Variants in L3MBTL4 observed in about 807,000 individuals in gnomAD.
L3MBTL4 encodes the protein lethal(3)malignant brain tumor-like protein 4.
In L3MBTL4, 70 loss-of-function variants were observed where a neutral mutation model predicts 84.5. The observed-to-expected ratio is 0.83, with a 90% CI of 0.68 to 1.01. The LOEUF is 1.01. Ranked by LOEUF, L3MBTL4 falls within the 50% of genes least tolerant of loss-of-function variation. L3MBTL4 has a pLI of 0.00. For synonymous variants in L3MBTL4, 274 were observed against 259.8 expected (o/e 1.05, Z -0.52); for missense variants, 715 against 754.8 (o/e 0.95, Z 0.62).
chr18:6,096,156 T>C (rs1002665458), intron 14 of L3MBTL4, among the ~76,000 whole-genome samples: 2 of 152,136 alleles, frequency 1.3e-5, no homozygotes, highest in Non-Finnish European at 2.9e-5. Flanking sequence ...GGCTTACTTA[T>C]CTGTCCAGCA....
intron 1 of L3MBTL4, among the ~76,000 whole-genome samples, chr18:6,369,443 T>C (rs1207710625): frequency 6.6e-6 from 1 of 152,082 alleles, no homozygotes; most frequent in Non-Finnish European, 1.5e-5. Context: ...CAAAGAACTC[T>C]CTGGTCCAAA....
intron 13 of L3MBTL4, among the ~76,000 whole-genome samples, chr18:6,167,398 C>G (rs1279099784): frequency 1.3e-5 from 2 of 152,200 alleles, no homozygotes; most frequent in Non-Finnish European, 2.9e-5. Flanking sequence ...AGACCAATAT[C>G]CTTGATGAAC....
intron 1 of L3MBTL4, among the ~76,000 whole-genome samples, chr18:6,394,403 G>A (rs1342981849): frequency 6.6e-6 from 1 of 152,140 alleles, no homozygotes; most frequent in East Asian, 1.9e-4. Context: ...AGGAGGTGGA[G>A]GTTGCAGTGA....
chr18:6,382,938 G>A (rs2054656089), intron 1 of L3MBTL4, among the ~76,000 whole-genome samples: 2 of 152,180 alleles, frequency 1.3e-5, no homozygotes, highest in African/African-American at 4.8e-5. Flanking sequence ...CAGGTGCTCT[G>A]TCCCAGGGAG....
At chr18:6,032,965 T>C (rs945414889) in intron 16 of L3MBTL4, among the ~76,000 whole-genome samples, 4 of 152,226 alleles carry the variant, frequency 2.6e-5, no homozygotes, top group African/African-American at 9.6e-5. Context: ...TCCTGGAGAA[T>C]GTTTCTTGTG....
chr18:6,075,161 T>G (rs1449652301), intron 16 of L3MBTL4, among the ~76,000 whole-genome samples: 1 of 152,136 alleles, frequency 6.6e-6, no homozygotes, highest in African/African-American at 2.4e-5. Context: ...GTAGTTTGTA[T>G]GATGTGTGTG....
At chr18:6,212,441 G>A (rs551145410) in intron 12 of L3MBTL4, among the ~76,000 whole-genome samples, 14 of 152,188 alleles carry the variant, frequency 9.2e-5, no homozygotes, top group African/African-American at 3.4e-4. Context: ...ATACTTGCAT[G>A]GAAAATAACT....
chr18:6,246,693 C>G (rs2047678104), intron 5 of L3MBTL4, among the ~76,000 whole-genome samples: 1 of 152,180 alleles, frequency 6.6e-6, no homozygotes, highest in Non-Finnish European at 1.5e-5. Context: ...CGTCTGAGGT[C>G]AGGAGTTCGA....
chr18:6,031,613 G>A, intron 16 of L3MBTL4: 2 of 944,000 alleles, frequency 2.1e-6, no homozygotes, highest in Non-Finnish European at 1.3e-6. Context: ...GCTGAGCAGA[G>A]AGGACATGGC....
chr18:5,992,049 G>T (rs1306488812), intron 16 of L3MBTL4, among the ~76,000 whole-genome samples: 1 of 151,760 alleles, frequency 6.6e-6, no homozygotes. Flanking sequence ...ATTATACCAG[G>T]TTCTTGGGAC....
At chr18:6,278,963 G>A (rs910924240) in intron 4 of L3MBTL4, among the ~76,000 whole-genome samples, 1 of 151,874 alleles carries the variant, frequency 6.6e-6, no homozygotes, top group Non-Finnish European at 1.5e-5. Flanking sequence ...TGGCCTACAA[G>A]AATGGGTAAA....
At chr18:6,128,741 G>T (rs1454755093) in intron 14 of L3MBTL4, among the ~76,000 whole-genome samples, 1 of 152,076 alleles carries the variant, frequency 6.6e-6, no homozygotes, top group Non-Finnish European at 1.5e-5. Flanking sequence ...ATAAATTGGT[G>T]AAAAGAGCTC....
chr18:6,069,899 A>T (rs1235097516), intron 16 of L3MBTL4, among the ~76,000 whole-genome samples: 4 of 152,334 alleles, frequency 2.6e-5, no homozygotes, highest in East Asian at 3.9e-4. Context: ...TGCTAAACTA[A>T]GAAATAAACA....
chr18:6,384,207 G>A (rs751249060), intron 1 of L3MBTL4, among the ~76,000 whole-genome samples: 96 of 152,162 alleles, frequency 6.3e-4, no homozygotes, highest in Non-Finnish European at 5.6e-4. Flanking sequence ...CCTTCCCCAC[G>A]ACCTCATCAA....
At chr18:5,980,380 T>C (rs1466376660) in intron 16 of L3MBTL4, among the ~76,000 whole-genome samples, 3 of 151,736 alleles carry the variant, frequency 2.0e-5, no homozygotes, top group African/African-American at 7.3e-5. Flanking sequence ...TACACCATAT[T>C]GTATACTTTT....
chr18:6,169,224 G>A (rs907260098), intron 13 of L3MBTL4, among the ~76,000 whole-genome samples: 2 of 152,220 alleles, frequency 1.3e-5, no homozygotes, highest in Non-Finnish European at 2.9e-5. Flanking sequence ...CTTTTACACT[G>A]TTGGTGGGAC....
chr18:5,969,696 G>A (rs187077179), intron 16 of L3MBTL4, 134 bp from the exon 17 acceptor site: 17 of 785,024 alleles, frequency 2.2e-5, no homozygotes, highest in South Asian at 9.2e-5. Flanking sequence ...TCTTCTGATC[G>A]TACAGCATCA....
At chr18:6,304,843 A>C (rs1468930958) in intron 3 of L3MBTL4, among the ~76,000 whole-genome samples, 2 of 152,252 alleles carry the variant, frequency 1.3e-5, no homozygotes, top group Non-Finnish European at 2.9e-5. Flanking sequence ...TCGAGAGTTG[A>C]TTATGTTCAC....
chr18:6,118,402 C>A (rs1012253796), intron 14 of L3MBTL4, among the ~76,000 whole-genome samples: 3 of 152,176 alleles, frequency 2.0e-5, no homozygotes, highest in Non-Finnish European at 4.4e-5. Context: ...CCACCTATGG[C>A]ACTCAAAACA....
Sources: allele counts gnomAD v4.1 joint callset (sites outside exome capture counted in the v4.1 genomes callset), GRCh38; gene constraint gnomAD v4.1.1; transcripts MANE v1.5; gene names NCBI Gene and HGNC (gene_info 2026-07-23, HGNC 2026-07-21).